The following DTNBP1 variants were observed in gnomAD, a reference collection of about 807,000 sequenced individuals.
DTNBP1 encodes the protein dystrobrevin binding protein 1.
DTNBP1 carries 35 observed loss-of-function variants against 42.8 expected under a neutral mutation model. The observed-to-expected ratio is 0.82, with a 90% CI of 0.63 to 1.09. The LOEUF (loss-of-function observed/expected upper bound fraction) is 1.09, where lower values mean the gene tolerates loss of function less well. DTNBP1 is among the 50% of genes least tolerant of loss of function. The probability of loss-of-function intolerance (pLI) is 0.00; values close to 1 mark genes in which losing one functional copy is unlikely to be tolerated. For missense variants in DTNBP1, 457 were observed against 424.2 expected, an observed-to-expected ratio of 1.08 and a Z score of -0.68; for synonymous variants, 171 against 162.2, an observed-to-expected ratio of 1.05 and a Z score of -0.41.
intron 5 of DTNBP1, among the ~76,000 whole-genome samples, chr6:15,625,977 C>T (rs889376952): frequency 1.3e-5 from 2 of 152,188 alleles, no homozygotes; most frequent in Non-Finnish European, 2.9e-5. Context: ...AATCTCTTTT[C>T]CATGCCCTGC....
intron 7 of DTNBP1, among the ~76,000 whole-genome samples, chr6:15,569,775 G>T (rs7771339): frequency 3.9e-5 from 6 of 151,960 alleles, no homozygotes; most frequent in Admixed American, 3.9e-4. Flanking sequence ...TAGAAATTTC[G>T]TGCCCACTCG....
Position 15,585,583 on chromosome 6 carries a change from A to C in DTNBP1, c.511+7476T>G, listed in dbSNP as rs1433849161. On this transcript the variant is annotated intron_variant, in intron 7 of 9. Coordinates refer to ENST00000344537, the MANE Select transcript of DTNBP1 (RefSeq NM_032122.5). The stretch of plus-strand genomic sequence containing the variant: ...AATGTACTACTTGTAGGTTCAAGTC[A>C]AGTTGAAATTTAATTTCTGCTTTTT... 3 of 1,023,312 alleles carry C rather than the reference A, an allele frequency of 2.9e-6. No homozygotes were observed. The African/African-American group carries it at 4.9e-5, about 17-fold the overall frequency. The allele number at this position is 1,023,312 out of a possible 1,614,324, so 63.4% of individuals were successfully genotyped here.
intron 3 of DTNBP1, among the ~76,000 whole-genome samples, chr6:15,639,163 GA>G (rs1251919424): frequency 6.6e-6 from 1 of 152,166 alleles, no homozygotes; most frequent in African/African-American, 2.4e-5. Context: ...GATGGAATCT[GA>G]ATAAGGCCTA....
intron 6 of DTNBP1, among the ~76,000 whole-genome samples, chr6:15,613,045 C>T (rs1561991266): frequency 6.6e-6 from 1 of 151,982 alleles, no homozygotes; most frequent in South Asian, 2.1e-4. Context: ...TGATGGCTCA[C>T]GCCTGTAATC....
intron 5 of DTNBP1, 36 bp downstream of exon 5, chr6:15,627,307 C>T: frequency 1.9e-6 from 3 of 1,609,704 alleles, no homozygotes; most frequent in Admixed American, 1.7e-5. Context: ...TGTTTTCATT[C>T]CTAAAAGTAA....
chr6:15,654,841 GAAC>G (rs1277889583), intron 1 of DTNBP1, among the ~76,000 whole-genome samples: 1 of 152,110 alleles, frequency 6.6e-6, no homozygotes, highest in Non-Finnish European at 1.5e-5. Flanking sequence ...TCGTTTCTAA[GAAC>G]AAAAGAAGTC....
intron 6 of DTNBP1, among the ~76,000 whole-genome samples, chr6:15,614,735 T>C (rs1410590240): frequency 6.6e-6 from 1 of 152,222 alleles, no homozygotes; most frequent in African/African-American, 2.4e-5. Context: ...AATTAATTCA[T>C]TTAATCCTTA....
intron 7 of DTNBP1, among the ~76,000 whole-genome samples, chr6:15,535,166 TGTAA>T (rs1320055922): frequency 6.6e-6 from 1 of 152,172 alleles, no homozygotes; most frequent in Non-Finnish European, 1.5e-5. Flanking sequence ...CTGATGGTTG[TGTAA>T]GTGTCTGACA....
At chr6:15,605,038 A>G (rs1757959470) in intron 6 of DTNBP1, among the ~76,000 whole-genome samples, 1 of 152,236 alleles carries the variant, frequency 6.6e-6, no homozygotes, top group Non-Finnish European at 1.5e-5. Flanking sequence ...CTTATAATTA[A>G]CAAGAATTGC....
At chr6:15,614,797 T>C (rs1317425287) in intron 6 of DTNBP1, among the ~76,000 whole-genome samples, 1 of 152,242 alleles carries the variant, frequency 6.6e-6, no homozygotes, top group Non-Finnish European at 1.5e-5. Context: ...ATCAGTGACA[T>C]TGAGGCCAAG....
chr6:15,540,189 C>T (rs1435193104), intron 7 of DTNBP1, among the ~76,000 whole-genome samples: 2 of 150,870 alleles, frequency 1.3e-5, no homozygotes, highest in African/African-American at 4.9e-5. Flanking sequence ...TTAGAGTGTA[C>T]TCGTAAGAAA....
intron 5 of DTNBP1, among the ~76,000 whole-genome samples, chr6:15,617,754 G>A (rs1431648083): frequency 1.3e-5 from 2 of 152,142 alleles, no homozygotes; most frequent in African/African-American, 4.8e-5. Flanking sequence ...AAATGTAAGA[G>A]CTGAAACCAT....
intron 4 of DTNBP1, among the ~76,000 whole-genome samples, chr6:15,628,473 T>C (rs1464879800): frequency 6.7e-6 from 1 of 149,358 alleles, no homozygotes; most frequent in Non-Finnish European, 1.5e-5. Context: ...TGGTGCTATC[T>C]TGGCTCACTG....
At chr6:15,651,192 C>T in intron 3 of DTNBP1, 121 bp downstream of exon 3, 3 of 881,738 alleles carry the variant, frequency 3.4e-6, no homozygotes, top group Non-Finnish European at 5.6e-6. Context: ...AAATAATTTC[C>T]AATCACTGCA....
intron 9 of DTNBP1, chr6:15,523,818 C>G (rs761616975): frequency 7.8e-7 from 1 of 1,287,154 alleles, no homozygotes; most frequent in East Asian, 5.6e-5. Flanking sequence ...AGGATGACAC[C>G]GTTCTGACAG....
At chr6:15,662,330 A>T (rs1164689242) in intron 1 of DTNBP1, among the ~76,000 whole-genome samples, 1 of 152,280 alleles carries the variant, frequency 6.6e-6, no homozygotes, top group Admixed American at 6.5e-5. Flanking sequence ...GCGGCGCGGA[A>T]GGCTGTGGCC....
intron 8 of DTNBP1, among the ~76,000 whole-genome samples, chr6:15,525,496 T>C (rs1440548177): frequency 6.6e-6 from 1 of 151,962 alleles, no homozygotes; most frequent in Non-Finnish European, 1.5e-5. Context: ...CCACTCCGAG[T>C]GAAGGGCAGC....
intron 5 of DTNBP1, among the ~76,000 whole-genome samples, chr6:15,621,712 G>C (rs1759052556): frequency 6.6e-6 from 1 of 152,148 alleles, no homozygotes; most frequent in African/African-American, 2.4e-5. Context: ...TTATCATTCA[G>C]AGAGCTACTG....
rs1271167644 is a variant in DTNBP1, at chr6:15,587,260, A to G, written c.511+5799T>C. 6.6e-6 allele frequency among the ~76,000 whole-genome samples: 1 copy of G among 152,210 alleles called. No individual in the cohort carries two copies. Among genetic ancestry groups the G allele is most frequent in the Non-Finnish European group, 1.5e-5 (1 of 68,018 alleles). ...GAAAAACTGAAGATGGCTTAAACAA[A>G]CATGGATACATTCCATGTTCATGGA... On this transcript the variant is annotated intron_variant, in intron 7 of 9. Transcript: ENST00000344537. This position sits in a 1 kb window ranked among gnomAD's most constrained non-coding sequence, Gnocchi z 4.1.
Sources: gnomAD v4.1 joint callset for allele counts (sites outside exome capture counted in the v4.1 genomes callset) on GRCh38, gnomAD v4.1.1 for gene constraint, Gnocchi (gnomAD v3.1) non-coding constraint, MANE v1.5 for transcripts, NCBI Gene and HGNC (gene_info 2026-07-23, HGNC 2026-07-21) for gene names.